Variants in OR4K1 observed in about 807,000 individuals in gnomAD.
OR4K1 encodes olfactory receptor 4K1.
A neutral mutation model predicts 14.4 loss-of-function variants in OR4K1; 16 were observed. The ratio of observed to expected loss-of-function variants is 1.11; its 90% CI spans 0.75 to 1.68. OR4K1 has a LOEUF of 1.68. Ranked by LOEUF, OR4K1 falls within the 40% of genes most tolerant of loss-of-function variation. The pLI, the probability that OR4K1 is intolerant of heterozygous loss-of-function variation, is 0.00. For synonymous variants in OR4K1, 181 were observed against 133.1 expected (o/e 1.36, Z -2.48); for missense variants, 548 against 376.9 (o/e 1.45, Z -3.76).
In OR4K1 at chr14:19,931,344, C is replaced by T. The variant is rs1305202477; in HGVS notation, c.-20+199C>T. 4 of 152,512 alleles carry T rather than the reference C, an allele frequency of 2.6e-5. No homozygotes were observed. In the East Asian group the frequency reaches 7.7e-4, roughly 29 times the overall value. The allele number at this position is 152,512 out of a possible 1,614,324, so 9.4% of individuals were successfully genotyped here. On this transcript the variant is annotated intron_variant, in intron 1 of 1. Transcript: ENST00000641172. ...TCTATATCATTCTTCCACTGCACTG[C>T]TTCTGGGCAACCCTGGTAAGAAGAG...
chr14:19,930,207 A>G (rs1432371437), upstream of OR4K1, among the ~76,000 whole-genome samples: 1 of 152,158 alleles, frequency 6.6e-6, no homozygotes, highest in Non-Finnish European at 1.5e-5. Flanking sequence ...TTGTGCTCAA[A>G]TGCTTATATA....
chr14:19,920,636 T>C, the OR4K1 span: 1 of 1,611,194 alleles, frequency 6.2e-7, no homozygotes, highest in African/African-American at 1.3e-5. Flanking sequence ...CAGTGGTGTC[T>C]GAATTTGTAC....
At chr14:19,920,502 G>C in the OR4K1 span, 4 of 1,397,218 alleles carry the variant, frequency 2.9e-6, no homozygotes, top group Non-Finnish European at 3.9e-6. Flanking sequence ...TTATATCTGA[G>C]ATCTCAGAAT....
chr14:19,921,532 G>T, the OR4K1 span: 165 of 1,613,354 alleles, frequency 1.0e-4, no homozygotes, highest in Non-Finnish European at 1.3e-4. Context: ...CTGAGGCCAA[G>T]GAGAATTTCT....
chr14:19,929,394 TGTGTGTGTGTGC>T (rs1425767261), upstream of OR4K1, among the ~76,000 whole-genome samples: 2,560 of 140,244 alleles, frequency 0.018, 44 homozygotes, highest in African/African-American at 0.062. Flanking sequence ...TGTGTGTGTG[TGTGTGTGTGTGC>T]GTATGGGGGG....
chr14:19,927,973 G>A (rs1566500213), upstream of OR4K1, among the ~76,000 whole-genome samples: 1 of 152,196 alleles, frequency 6.6e-6, no homozygotes, highest in Admixed American at 6.5e-5. Context: ...GACATATCAT[G>A]GATCCATTTT....
upstream of OR4K1, among the ~76,000 whole-genome samples, chr14:19,929,812 G>A (rs977882740): frequency 1.3e-5 from 2 of 152,190 alleles, no homozygotes; most frequent in African/African-American, 4.8e-5. Flanking sequence ...CATTGCTGCT[G>A]AAATCTAACA....
chr14:19,931,803 T>A (rs897238214), intron 1 of OR4K1, among the ~76,000 whole-genome samples: 2 of 152,232 alleles, frequency 1.3e-5, no homozygotes, highest in African/African-American at 4.8e-5. Flanking sequence ...ACAGAATGAA[T>A]GATTCAATAA....
chr14:19,936,106 T>A lies in OR4K1; in HGVS notation c.440T>A (p.Ile147Asn). The change falls in exon 2 of 2, where the codon ATT becomes AAT. Residue 147 changes from isoleucine (I) to asparagine (N), a missense_variant. Ile to Asn is a moderately radical substitution (Grantham distance 149). Coordinates refer to ENST00000641172, the MANE Select transcript of OR4K1 (RefSeq NM_001004063.3). The part of the protein sequence containing the change: ...NRRLCVIFVS[I>N]SWAVGVLHSV... ...AGGCTCTGTGTAATTTTTGTGTCTA[T>A]TTCCTGGGCGGTGGGCGTTCTTCAT... 1 of 1,614,266 alleles carries A rather than the reference T, an allele frequency of 6.2e-7. No individual in the cohort carries two copies. Among genetic ancestry groups the A allele is most frequent in the South Asian group, 1.1e-5 (1 of 91,090 alleles).
the OR4K1 span, among the ~76,000 whole-genome samples, chr14:19,925,615 T>C: frequency 1.3e-5 from 2 of 152,290 alleles, no homozygotes; most frequent in Admixed American, 6.5e-5. Context: ...TCTCACAATT[T>C]AAGCTACTTC....
At chr14:19,921,009 A>G in the OR4K1 span, 8 of 1,614,086 alleles carry the variant, frequency 5.0e-6, no homozygotes, top group East Asian at 6.7e-5. Flanking sequence ...CTATGTGGTC[A>G]TCATGAGCCG....
chr14:19,935,750 T>C lies in OR4K1; in HGVS notation c.84T>C (p.Phe28=), dbSNP rs2792148. Residue 28 remains phenylalanine, a synonymous_variant, in exon 2 of 2, where the codon TTT becomes TTC. Transcript: ENST00000641172. The part of the protein sequence containing the change: ...SNSWGLQLFF[F]AIFSIVYVTS... ...CCTGGGGACTTCAACTTTTCTTTTT[T>C]GCCATCTTCTCTATAGTCTATGTGA... The C allele has an allele frequency of 0.38, 590,551 of 1,567,468 alleles. 65,565 individuals carry two copies. The highest frequency in any genetic ancestry group is 0.42 in the South Asian group (37,187 of 88,082).
At position 19,933,446 on chromosome 14, in the gene OR4K1, G is replaced by C. The variant is rs568984561; in HGVS notation, c.-19-2202G>C. ...TTTTTCAATGTTTCTTTGCTTCCTC[G>C]TTTCCCCTGCTCATGTACACACATG... On this transcript the variant is annotated intron_variant, in intron 1 of 1. Transcript: ENST00000641172. 1.6e-4 allele frequency among the ~76,000 whole-genome samples: 25 copies of C among 152,118 alleles called. No homozygotes were observed. In the South Asian group the frequency reaches 5.2e-3, roughly 32 times the overall value.
chr14:19,932,147 C>A (rs1403730770), intron 1 of OR4K1, among the ~76,000 whole-genome samples: 1 of 152,086 alleles, frequency 6.6e-6, no homozygotes, highest in Non-Finnish European at 1.5e-5. Context: ...GACTAAAAAC[C>A]TTATCATTTA....
chr14:19,929,359 C>CTG (rs59130422), upstream of OR4K1, among the ~76,000 whole-genome samples: 1,945 of 144,192 alleles, frequency 0.013, 6 homozygotes, highest in African/African-American at 0.025. Flanking sequence ...ATATCACACT[C>CTG]TGTGTGTGTG....
the OR4K1 span, among the ~76,000 whole-genome samples, chr14:19,922,189 G>C: frequency 1.3e-3 from 202 of 152,282 alleles, no homozygotes; most frequent in African/African-American, 4.7e-3. Flanking sequence ...TTAAAGGGCT[G>C]CCTCTGATTG....
At chr14:19,927,243 C>A (rs933622648), upstream of OR4K1, among the ~76,000 whole-genome samples, 1 of 152,198 alleles carries the variant, frequency 6.6e-6, no homozygotes, top group African/African-American at 2.4e-5. Context: ...TGCCTTGGTG[C>A]AAGCCAAAAA....
chr14:19,922,076 C>G, the OR4K1 span, among the ~76,000 whole-genome samples: 188 of 130,174 alleles, frequency 1.4e-3, no homozygotes, highest in African/African-American at 4.3e-3. Flanking sequence ...GACTCCCCCC[C>G]CCAAAAATCA....
chr14:19,924,432 G>A, the OR4K1 span, among the ~76,000 whole-genome samples: 592 of 109,964 alleles, frequency 5.4e-3, no homozygotes, highest in Middle Eastern at 4.9e-3. Context: ...AAAAAAGATA[G>A]CATTTATAAA....
Sources: allele counts gnomAD v4.1 joint callset (sites outside exome capture counted in the v4.1 genomes callset), GRCh38; gene constraint gnomAD v4.1.1; transcripts MANE v1.5; gene names NCBI Gene and HGNC (gene_info 2026-07-23, HGNC 2026-07-21).